ADAM9: variants seen among roughly 807,000 people sequenced by gnomAD.
ADAM9 encodes disintegrin and metalloproteinase domain-containing protein 9.
A neutral mutation model predicts 108.1 loss-of-function variants in ADAM9; 54 were observed. That is an observed-to-expected ratio of 0.50 (90% CI 0.40 to 0.63). The LOEUF is 0.63. Among genes scored for constraint, ADAM9 ranks in the 20% least tolerant of loss-of-function variants. ADAM9 has a pLI of 0.00. For synonymous variants in ADAM9, 316 were observed against 336.0 expected, an observed-to-expected ratio of 0.94 and a Z score of 0.65; for missense variants, 830 against 997.7, an observed-to-expected ratio of 0.83 and a Z score of 2.26.
chr8:39,045,390 G>A (rs1167374472), intron 12 of ADAM9, among the ~76,000 whole-genome samples: 4 of 147,184 alleles, frequency 2.7e-5, no homozygotes, highest in Admixed American at 1.3e-4. Flanking sequence ...CTATAGGTGT[G>A]TGTACACACA....
chr8:39,045,335 C>CAT lies in ADAM9; in HGVS notation c.1302+3219_1302+3220insTA, dbSNP rs1479583481. ...GTGTACACCTATACATGTGTGTGTA[C>CAT]ACCTATACATGTGTGTACATACATA... On this transcript the variant is annotated intron_variant, in intron 12 of 21. Transcript: ENST00000487273. Among the ~76,000 whole-genome samples the CAT allele has an allele frequency of 2.3e-3, 267 of 113,928 alleles. 47 individuals are homozygous for CAT. The highest frequency in any genetic ancestry group is 5.8e-3 in the African/African-American group (169 of 29,022). 74.7% of individuals were successfully genotyped at this position (113,928 alleles called of 152,430 possible).
intron 7 of ADAM9, 98 bp from the exon 8 acceptor site, chr8:39,021,545 A>C: frequency 8.9e-7 from 1 of 1,124,638 alleles, no homozygotes; most frequent in East Asian, 2.4e-5. Context: ...GGGCCTCTCA[A>C]AATGCTAGAA....
intron 7 of ADAM9, among the ~76,000 whole-genome samples, chr8:39,020,996 C>T (rs1836720319): frequency 6.6e-6 from 1 of 152,070 alleles, no homozygotes; most frequent in African/African-American, 2.4e-5. Context: ...ATTTTGATTG[C>T]TTAAAACTCT....
chr8:39,012,636 G>A (rs991290422), intron 3 of ADAM9, among the ~76,000 whole-genome samples: 6 of 152,314 alleles, frequency 3.9e-5, no homozygotes, highest in African/African-American at 1.4e-4. Flanking sequence ...ATGAGTTCAT[G>A]TCCTTTGTAG....
At chr8:39,097,411 A>G (rs1839543736) in intron 20 of ADAM9, among the ~76,000 whole-genome samples, 1 of 150,978 alleles carries the variant, frequency 6.6e-6, no homozygotes, top group Non-Finnish European at 1.5e-5. Flanking sequence ...GGTTCAAGCA[A>G]TTCTCCTGCC....
intron 20 of ADAM9, 62 bp from the exon 21 acceptor site, chr8:39,101,801 T>C (rs1457927752): frequency 1.6e-6 from 2 of 1,265,054 alleles, no homozygotes; most frequent in African/African-American, 1.5e-5. Context: ...AGATTTCTTC[T>C]ATTTAGAAAT....
intron 17 of ADAM9, 112 bp downstream of exon 17, chr8:39,082,833 T>C (rs1588422558): frequency 7.4e-7 from 1 of 1,350,956 alleles, no homozygotes; most frequent in East Asian, 2.3e-5. Flanking sequence ...TTTAGATTCC[T>C]GATAAAATTT....
intron 14 of ADAM9, among the ~76,000 whole-genome samples, chr8:39,061,690 CCAT>C (rs1564331538): frequency 1.3e-5 from 2 of 151,700 alleles, no homozygotes; most frequent in Non-Finnish European, 2.9e-5. Context: ...TTTTGCTGAG[CCAT>C]CACATGACGG....
chr8:39,102,509 TG>T (rs925025066), intron 21 of ADAM9, among the ~76,000 whole-genome samples: 1 of 152,160 alleles, frequency 6.6e-6, no homozygotes, highest in Non-Finnish European at 1.5e-5. Flanking sequence ...GGAGGCACCC[TG>T]GCAAACATCT....
In ADAM9 at chr8:39,045,084, ATACATACATATG is replaced by A. The variant is rs1837611103; in HGVS notation, c.1302+2969_1302+2980del. 7.4e-5 allele frequency among the ~76,000 whole-genome samples: 2 copies of A among 27,170 alleles called. 1 individual carries two copies. Among genetic ancestry groups the A allele is most frequent in the Non-Finnish European group, 1.4e-4 (2 of 14,760 alleles). The allele number at this position is 27,170 out of a possible 152,430, so 17.8% of individuals were successfully genotyped here. On this transcript the variant is annotated intron_variant, in intron 12 of 21. Transcript: ENST00000487273. The stretch of plus-strand genomic sequence containing the variant: ...TGCATACATACATATGTGTGTGTGC[ATACATACATATG>A]TGTGTGTGCATACATACATATGTGT...
At chr8:39,076,259 G>A (rs1838846939) in intron 15 of ADAM9, 1 of 152,172 alleles carries the variant, frequency 6.6e-6, no homozygotes, top group Non-Finnish European at 1.5e-5. Context: ...GTGATTGTAG[G>A]ATAGTGACCT....
At chr8:39,051,351 G>C (rs1426428083) in intron 12 of ADAM9, among the ~76,000 whole-genome samples, 4 of 152,114 alleles carry the variant, frequency 2.6e-5, no homozygotes, top group African/African-American at 9.7e-5. Context: ...CAGTGTGGCT[G>C]GTTTTACAAT....
At chr8:39,023,740 G>GTTTTTTTTTTTTTTTTTTT (rs869059346) in intron 9 of ADAM9, among the ~76,000 whole-genome samples, 1 of 78,900 alleles carries the variant, frequency 1.3e-5, no homozygotes, top group African/African-American at 5.3e-5. Flanking sequence ...TTTTGCGTTT[G>GTTTTTTTTTTTTTTTTTTT]TTTTTTTTTT....
At chr8:39,001,067 A>G (rs1178526205) in intron 1 of ADAM9, among the ~76,000 whole-genome samples, 21 of 152,156 alleles carry the variant, frequency 1.4e-4, no homozygotes, top group Admixed American at 1.4e-3. Context: ...TCTTCATATG[A>G]GTAGACCCCA....
chr8:39,041,294 T>C (rs777495972), intron 11 of ADAM9, among the ~76,000 whole-genome samples: 13 of 152,212 alleles, frequency 8.5e-5, no homozygotes, highest in Non-Finnish European at 1.8e-4. Context: ...ATAGCTCAAG[T>C]TGGACATTTC....
intron 6 of ADAM9, chr8:39,018,551 A>G (rs1836624022): frequency 5.7e-6 from 2 of 351,728 alleles, no homozygotes; most frequent in South Asian, 7.0e-5. Flanking sequence ...AACCCATTTT[A>G]TCTGTAACTA....
In ADAM9 at chr8:39,011,736, T is replaced by C. The variant is rs1256974906; in HGVS notation, c.254+20T>C. The C allele has an allele frequency of 3.1e-6, 5 of 1,600,210 alleles. No individual in the cohort carries two copies. The South Asian group carries it at 4.4e-5, about 14-fold the overall frequency. ...GAACAAGTAAGACATTTAATTTATT[T>C]TGGCTTTTCAGTAATGTTTTTCCAA... On this transcript the variant is annotated intron_variant, in intron 3 of 21. Transcript: ENST00000487273.
rs547862370 is a variant in ADAM9, at chr8:39,063,217, G to A, written c.1591+7445G>A. ...TTGGAGTGTGGTGAACCTCCTCATG[G>A]GTTGTATTTAGTATTTCACCTTTAG... On this transcript the variant is annotated intron_variant, in intron 14 of 21. Transcript: ENST00000487273. Among the ~76,000 whole-genome samples the A allele has an allele frequency of 2.3e-3, 355 of 152,282 alleles. 1 individual carries two copies. The highest frequency in any genetic ancestry group is 3.4e-3 in the Middle Eastern group (1 of 294).
exon 22 of ADAM9, chr8:39,105,258 CAAATG>C (rs1839829436): frequency 2.4e-6 from 1 of 419,790 alleles, no homozygotes; most frequent in Non-Finnish European, 4.6e-6. Flanking sequence ...TGAGCAATCT[CAAATG>C]AAGGTCCATC....
Sources: gnomAD v4.1 joint callset for allele counts (sites outside exome capture counted in the v4.1 genomes callset) on GRCh38, gnomAD v4.1.1 for gene constraint, MANE v1.5 for transcripts, NCBI Gene and HGNC (gene_info 2026-07-23, HGNC 2026-07-21) for gene names.